Variants in SOX10 observed in about 807,000 individuals in gnomAD.
SOX10 encodes the protein transcription factor SOX-10.
In SOX10, 3 loss-of-function variants were observed where a neutral mutation model predicts 35.0. The observed-to-expected ratio is 0.09, with a 90% CI of 0.04 to 0.22. The LOEUF (loss-of-function observed/expected upper bound fraction) is 0.22. Ranked by LOEUF, SOX10 falls within the 10% of genes least tolerant of loss-of-function variation. SOX10 has a pLI of 1.00. For synonymous variants in SOX10, 285 were observed against 291.0 expected, an observed-to-expected ratio of 0.98 and a Z score of 0.21; for missense variants, 436 against 655.1, an observed-to-expected ratio of 0.67 and a Z score of 3.65.
Position 37,980,552 on chromosome 22 carries a change from C to G in SOX10, c.429-2417G>C, listed in dbSNP as rs964869330. Among the ~76,000 whole-genome samples, 1 of 152,068 alleles carries G rather than the reference C, an allele frequency of 6.6e-6. No homozygotes were observed. The highest frequency in any genetic ancestry group is 2.4e-5 in the African/African-American group (1 of 41,398). The stretch of plus-strand genomic sequence containing the variant: ...CAGCTCCCTCCTCCACCAGCTGTGC[C>G]GGACAGCTGATTCCACCTCCACCCC... On this transcript the variant is annotated intron_variant, in intron 2 of 3. Transcript: ENST00000396884. The surrounding 1 kb of genome is among the most constrained non-coding windows in gnomAD (Gnocchi z 4.1).
At position 37,973,204 on chromosome 22, in the gene SOX10, T is replaced by G. The variant is rs1017099036; in HGVS notation, c.*291A>C. ...AGCAGGCCCTTCTCAGGTCCTGGGA[T>G]AGAGGGTCATTCCTGGGGGAAGGTG... On this transcript the variant is annotated 3_prime_UTR_variant, in exon 4 of 4. Transcript: ENST00000396884. The G allele has an allele frequency of 2.6e-6, 1 of 384,044 alleles. No individual in the cohort carries two copies. Among genetic ancestry groups the G allele is most frequent in the Non-Finnish European group, 4.7e-6 (1 of 212,714 alleles). 23.8% of individuals were successfully genotyped at this position (384,044 alleles called of 1,614,324 possible).
intron 2 of SOX10, among the ~76,000 whole-genome samples, chr22:37,979,360 A>T (rs1932323508): frequency 6.6e-6 from 1 of 152,120 alleles, no homozygotes; most frequent in African/African-American, 2.4e-5. Context: ...GGCCTCCCAA[A>T]GTGCTGAGAT....
intron 3 of SOX10, among the ~76,000 whole-genome samples, chr22:37,975,856 C>T (rs1270446462): frequency 6.6e-6 from 1 of 152,110 alleles, no homozygotes; most frequent in Non-Finnish European, 1.5e-5. Context: ...GGAGACCTGA[C>T]TGGATGGGAT....
At position 37,983,904 on chromosome 22, in the gene SOX10, G is replaced by T. The variant is rs1932490428; in HGVS notation, c.-84-36C>A. Reference sequence around the variant, plus strand: ...GGAGGGCGCGATGGAGCGGCCGCGCGCGCAGCCCCGAGGGCGGCCCGAGAC... The same window carrying T: ...GGAGGGCGCGATGGAGCGGCCGCGCTCGCAGCCCCGAGGGCGGCCCGAGAC... On this transcript the variant is annotated intron_variant, in intron 1 of 3. Transcript: ENST00000396884. The surrounding 1 kb of genome is among the most constrained non-coding windows in gnomAD (Gnocchi z 9.5). The T allele has an allele frequency of 8.1e-6, 7 of 860,496 alleles. No individual in the cohort carries two copies. Among genetic ancestry groups the T allele is most frequent in the Non-Finnish European group, 9.3e-6 (6 of 641,880 alleles). The allele number at this position is 860,496 out of a possible 1,614,324, so 53.3% of individuals were successfully genotyped here.
In SOX10 at chr22:37,977,991, G is replaced by A. The variant is rs369439585; in HGVS notation, c.573C>T (p.Pro191=). 123 of 1,611,690 alleles carry A rather than the reference G, an allele frequency of 7.6e-5. No individual in the cohort carries two copies. The highest frequency in any genetic ancestry group is 6.9e-4 in the East Asian group (31 of 44,888). ...GKAAQGEAEC[P]GGEAEQGGTA... ...TCCCACCTTGCTCGGCCTCCCCACC[G>A]GGGCACTCCGCCTCGCCCTGGGCGG... The change falls in exon 3 of 4, where the codon CCC becomes CCT. Residue 191 remains proline, a synonymous_variant. Coordinates refer to ENST00000396884, the MANE Select transcript of SOX10 (RefSeq NM_006941.4).
intron 3 of SOX10, among the ~76,000 whole-genome samples, chr22:37,977,450 A>T (rs2145767179): frequency 6.6e-6 from 1 of 151,700 alleles, no homozygotes; most frequent in African/African-American, 2.4e-5. Context: ...CCTCCTGAGT[A>T]GCTGGGACTA....
chr22:37,977,147 G>A (rs1308635349), intron 3 of SOX10, among the ~76,000 whole-genome samples: 20 of 149,504 alleles, frequency 1.3e-4, no homozygotes, highest in Non-Finnish European at 1.9e-4. Flanking sequence ...TAGCCTGGGC[G>A]ACAGAGTGAG....
Position 37,983,787 on chromosome 22 carries a change from CGCCCCCG to C in SOX10, c.-10_-4del, listed in dbSNP as rs1254362492. The C allele has an allele frequency of 5.6e-6, 8 of 1,433,984 alleles. No individual in the cohort carries two copies. The highest frequency in any genetic ancestry group is 7.3e-6 in the Non-Finnish European group (8 of 1,093,786). The allele number at this position is 1,433,984 out of a possible 1,614,324, so 88.8% of individuals were successfully genotyped here. On this transcript the variant is annotated 5_prime_UTR_variant, in exon 2 of 4. Transcript: ENST00000396884. The surrounding 1 kb of genome is among the most constrained non-coding windows in gnomAD (Gnocchi z 9.5). The stretch of plus-strand genomic sequence containing the variant: ...GATAGGTCCTGCTCCTCCGCCATGT[CGCCCCCG>C]GCCGCCGCCGCCGCCGCCTCGGCCG...
At chr22:37,975,329 G>A (rs1932189683) in intron 3 of SOX10, among the ~76,000 whole-genome samples, 1 of 152,184 alleles carries the variant, frequency 6.6e-6, no homozygotes, top group South Asian at 2.1e-4. Context: ...GACCAGAGGA[G>A]GAGTCCACCC....
chr22:37,982,674 G>C (rs1932437086), intron 2 of SOX10, among the ~76,000 whole-genome samples: 1 of 152,102 alleles, frequency 6.6e-6, no homozygotes, highest in Non-Finnish European at 1.5e-5. Context: ...AACTGGGAGA[G>C]GGAGGAAAGA....
chr22:37,982,192 G>A (rs1601885779), intron 2 of SOX10, among the ~76,000 whole-genome samples: 1 of 152,192 alleles, frequency 6.6e-6, no homozygotes, highest in East Asian at 1.9e-4. Flanking sequence ...CTGTCACCAG[G>A]GTCAGGGGAA....
chr22:37,983,774 T>C lies in SOX10; in HGVS notation c.11A>G (p.Glu4Gly). 6.9e-7 allele frequency: 1 copy of C among 1,457,996 alleles called. No individual in the cohort carries two copies. The highest frequency in any genetic ancestry group is 9.0e-7 in the Non-Finnish European group (1 of 1,108,028). 90.3% of individuals were successfully genotyped at this position (1,457,996 alleles called of 1,614,324 possible). ...CAGCTCCACCTCCGATAGGTCCTGC[T>C]CCTCCGCCATGTCGCCCCCGGCCGC... is the stretch of plus-strand genomic sequence containing the variant. MAEEQDLSEVELSP... is the reference protein window; with the variant it reads MAEGQDLSEVELSP... The change falls in exon 2 of 4, where the codon GAG becomes GGG. Residue 4 changes from glutamate (E) to glycine (G), a missense_variant. Transcript: ENST00000396884. The surrounding 1 kb of genome is among the most constrained non-coding windows in gnomAD (Gnocchi z 9.5).
chr22:37,976,624 G>A (rs73415864), intron 3 of SOX10, among the ~76,000 whole-genome samples: 4 of 152,242 alleles, frequency 2.6e-5, no homozygotes, highest in South Asian at 4.1e-4. Context: ...GCAGATGCCC[G>A]GGAGCCAAAC....
At chr22:37,977,171 A>G (rs1217497183) in intron 3 of SOX10, among the ~76,000 whole-genome samples, 3 of 140,004 alleles carry the variant, frequency 2.1e-5, no homozygotes, top group African/African-American at 7.9e-5. Flanking sequence ...CTGTCTCCAG[A>G]AAAAAAAAAA....
At chr22:37,981,880 G>A (rs1051303627) in intron 2 of SOX10, among the ~76,000 whole-genome samples, 7 of 152,184 alleles carry the variant, frequency 4.6e-5, no homozygotes, top group African/African-American at 7.2e-5. Flanking sequence ...GGGCACTGAG[G>A]GCTGAGAAGG....
rs1438353735 is a variant in SOX10, at chr22:37,978,345, G to T, written c.429-210C>A. 6.6e-6 allele frequency among the ~76,000 whole-genome samples: 1 copy of T among 152,244 alleles called. No homozygotes were observed. The highest frequency in any genetic ancestry group is 2.4e-5 in the African/African-American group (1 of 41,468). On this transcript the variant is annotated intron_variant, in intron 2 of 3. Coordinates refer to ENST00000396884, the MANE Select transcript of SOX10 (RefSeq NM_006941.4). This position sits in a 1 kb window ranked among gnomAD's most constrained non-coding sequence, Gnocchi z 5.0. ...CAAGGAATAACAGCCTCAGAGGGCT[G>T]CCCCCAAATCTTTCATGGGCTGGAG...
Position 37,973,137 on chromosome 22 carries a change from C to T in SOX10, c.*358G>A, listed in dbSNP as rs867040699. On this transcript the variant is annotated 3_prime_UTR_variant, in exon 4 of 4. Coordinates refer to ENST00000396884, the MANE Select transcript of SOX10 (RefSeq NM_006941.4). ...GGAGTCATAGGAGTGGTAAGGCCTC[C>T]GATGCCACCAACCCTGGTGCTTCCC... 7 of 253,392 alleles carry T rather than the reference C, an allele frequency of 2.8e-5. No homozygotes were observed. Among genetic ancestry groups the T allele is most frequent in the Middle Eastern group, 1.2e-3 (1 of 848 alleles). The allele number at this position is 253,392 out of a possible 1,614,324, so 15.7% of individuals were successfully genotyped here. A position where few individuals can be genotyped will look rare whatever the true frequency, so the allele number is the denominator to read the frequency against.
In SOX10 at chr22:37,983,614, C is replaced by T; in HGVS notation, c.171G>A (p.Glu57=). ...GPGELGKVKK[E]QQDGEADDDK... Reference sequence around the variant, plus strand: ...CATCGTCCGCCTCGCCGTCCTGCTGCTCCTTCTTGACCTTGCCCAGCTCGC... The same window carrying T: ...CATCGTCCGCCTCGCCGTCCTGCTGTTCCTTCTTGACCTTGCCCAGCTCGC... The change falls in exon 2 of 4, where the codon GAG becomes GAA. Residue 57 remains glutamate, a synonymous_variant. Coordinates refer to ENST00000396884, the MANE Select transcript of SOX10 (RefSeq NM_006941.4). The surrounding 1 kb of genome is among the most constrained non-coding windows in gnomAD (Gnocchi z 9.5). The T allele has an allele frequency of 6.2e-7, 1 of 1,606,918 alleles. No individual in the cohort carries two copies. Among genetic ancestry groups the T allele is most frequent in the South Asian group, 1.1e-5 (1 of 90,714 alleles).
chr22:37,974,343 T>C lies in SOX10; in HGVS notation c.698-145A>G, dbSNP rs2145762351. The C allele has an allele frequency of 3.2e-6, 2 of 629,446 alleles. No individual in the cohort carries two copies. The highest frequency in any genetic ancestry group is 4.4e-4 in the Middle Eastern group (1 of 2,296). The allele number at this position is 629,446 out of a possible 1,614,324, so 39.0% of individuals were successfully genotyped here. A position where few individuals can be genotyped will look rare whatever the true frequency, so the allele number is the denominator to read the frequency against. On this transcript the variant is annotated intron_variant, in intron 3 of 3. Transcript: ENST00000396884. The surrounding 1 kb of genome is among the most constrained non-coding windows in gnomAD (Gnocchi z 5.4). ...AAGTTTCACATTTTGGCAGCATGAGTCGGGTTTTTTTTTGTTTTTTTTTTT... is the reference window on the plus strand; with the variant it reads ...AAGTTTCACATTTTGGCAGCATGAGCCGGGTTTTTTTTTGTTTTTTTTTTT...
Sources: allele counts gnomAD v4.1 joint callset (sites outside exome capture counted in the v4.1 genomes callset), GRCh38; gene constraint gnomAD v4.1.1; non-coding constraint Gnocchi (gnomAD v3.1); transcripts MANE v1.5; gene names NCBI Gene and HGNC (gene_info 2026-07-23, HGNC 2026-07-21).